The following ATG5 variants were observed in gnomAD, a reference collection of about 807,000 sequenced individuals.
The protein encoded by ATG5 is autophagy related 5.
A neutral mutation model predicts 36.5 loss-of-function variants in ATG5; 14 were observed. The observed-to-expected ratio is 0.38, with a 90% CI of 0.25 to 0.60. The LOEUF is 0.60. ATG5 is among the 20% of genes least tolerant of loss of function. ATG5 has a pLI of 0.60. For synonymous variants in ATG5, 95 were observed against 101.5 expected, an observed-to-expected ratio of 0.94 and a Z score of 0.38; for missense variants, 195 against 326.7, an observed-to-expected ratio of 0.60 and a Z score of 3.11.
chr6:106,298,182 A>C (rs1307149876), intron 3 of ATG5, among the ~76,000 whole-genome samples: 1 of 151,770 alleles, frequency 6.6e-6, no homozygotes, highest in Non-Finnish European at 1.5e-5. Flanking sequence ...GCTAGTCTTG[A>C]ACTTCTGACC....
chr6:106,186,545 C>A lies in ATG5; in HGVS notation c.823G>T (p.Asp275Tyr). ...LHISIIPQPT[D>Y] ...TCAGGCAAATAGTTGATCCTTCAAT[C>A]TGTTGGCTGTGGGATGATACTAATA... is the stretch of plus-strand genomic sequence containing the variant. Residue 275 changes from aspartate to tyrosine, a missense_variant, in exon 8 of 8, where the codon GAT (aspartate) becomes TAT (tyrosine). Asp to Tyr is a radical substitution (Grantham distance 160, BLOSUM62 -3). Transcript: ENST00000369076. 1 of 1,613,510 alleles carries A rather than the reference C, an allele frequency of 6.2e-7. No homozygotes were observed. Among genetic ancestry groups the A allele is most frequent in the Non-Finnish European group, 8.5e-7 (1 of 1,179,526 alleles).
chr6:106,211,618 G>A (rs190123015), intron 6 of ATG5, among the ~76,000 whole-genome samples: 69 of 152,336 alleles, frequency 4.5e-4, no homozygotes, highest in Non-Finnish European at 8.5e-4. Context: ...GCTGAGGCAG[G>A]AGAATCACTT....
At chr6:106,292,925 A>C in intron 4 of ATG5, 103 bp downstream of exon 4, 1 of 883,146 alleles carries the variant, frequency 1.1e-6, no homozygotes, top group African/African-American at 1.7e-5. Flanking sequence ...AAACAGTGTC[A>C]GGGGAAAAGC....
intron 2 of ATG5, among the ~76,000 whole-genome samples, chr6:106,314,734 A>G (rs2114677549): frequency 6.6e-6 from 1 of 152,296 alleles, no homozygotes; most frequent in African/African-American, 2.4e-5. Flanking sequence ...GAAAAAAAAA[A>G]TGGTATCCTA....
Position 106,185,247 on chromosome 6 carries a change from A to ATT in ATG5, c.*1291_*1292dup. 1 of 152,754 alleles carries ATT rather than the reference A, an allele frequency of 6.5e-6. No homozygotes were observed. The highest frequency in any genetic ancestry group is 1.9e-4 in the East Asian group (1 of 5,338). The allele number at this position is 152,754 out of a possible 1,614,324, so 9.5% of individuals were successfully genotyped here. A position where few individuals can be genotyped will look rare whatever the true frequency, so the allele number is the denominator to read the frequency against. On this transcript the variant is annotated 3_prime_UTR_variant, in exon 8 of 8. Coordinates refer to ENST00000369076, the MANE Select transcript of ATG5 (RefSeq NM_004849.4). Reference sequence around the variant, plus strand: ...AGAATCTCACTTCAGCATTTGTATAATTTTTTATAAGAAAAACATTCATTT... The same window carrying ATT: ...AGAATCTCACTTCAGCATTTGTATAATTTTTTTTATAAGAAAAACATTCATTT...
At chr6:106,225,007 C>T (rs1442145217) in intron 6 of ATG5, among the ~76,000 whole-genome samples, 2 of 152,212 alleles carry the variant, frequency 1.3e-5, no homozygotes, top group Non-Finnish European at 2.9e-5. Context: ...AAGCCATCAT[C>T]ATTGCTGTTA....
At chr6:106,294,657 A>C in intron 3 of ATG5, among the ~76,000 whole-genome samples, 1 of 146,334 alleles carries the variant, frequency 6.8e-6, no homozygotes, top group Non-Finnish European at 1.5e-5. Flanking sequence ...ACATGGTGAA[A>C]CTCTGTCTCT....
chr6:106,251,278 G>A (rs1726106672), intron 5 of ATG5, among the ~76,000 whole-genome samples: 2 of 152,224 alleles, frequency 1.3e-5, no homozygotes, highest in South Asian at 4.1e-4. Context: ...CTGGCGGGAA[G>A]AGGGAACTTT....
At chr6:106,321,809 T>C (rs972879635) in intron 1 of ATG5, among the ~76,000 whole-genome samples, 1 of 152,296 alleles carries the variant, frequency 6.6e-6, no homozygotes, top group South Asian at 2.1e-4. Flanking sequence ...CCTCCCCACA[T>C]TGAACTGGGA....
intron 1 of ATG5, among the ~76,000 whole-genome samples, chr6:106,321,422 C>A (rs1771064432): frequency 6.6e-6 from 1 of 151,646 alleles, no homozygotes; most frequent in Non-Finnish European, 1.5e-5. Flanking sequence ...GCAGTGGCGC[C>A]ATCTCGGCTC....
chr6:106,226,199 T>A (rs1777447736), intron 6 of ATG5, among the ~76,000 whole-genome samples: 2 of 152,180 alleles, frequency 1.3e-5, no homozygotes, highest in African/African-American at 4.8e-5. Context: ...AATCATCAGA[T>A]GATCACTAAA....
At position 106,184,521 on chromosome 6, in the gene ATG5, A is replaced by G. The variant is rs2114285618; in HGVS notation, c.*2019T>C. The G allele has an allele frequency of 6.6e-6, 1 of 152,328 alleles. No homozygotes were observed. The highest frequency in any genetic ancestry group is 2.4e-5 in the African/African-American group (1 of 41,564). The allele number at this position is 152,328 out of a possible 1,614,324, so 9.4% of individuals were successfully genotyped here. A position where few individuals can be genotyped will look rare whatever the true frequency, so the allele number is the denominator to read the frequency against. On this transcript the variant is annotated 3_prime_UTR_variant, in exon 8 of 8. Coordinates refer to ENST00000369076, the MANE Select transcript of ATG5 (RefSeq NM_004849.4). ...ACCATAAAATTTAAATATTCAAATGAAAAGAAACAAAAATAGATTATTTAA... is the reference window on the plus strand; with the variant it reads ...ACCATAAAATTTAAATATTCAAATGGAAAGAAACAAAAATAGATTATTTAA...
At chr6:106,306,773 T>G (rs1770462949) in intron 3 of ATG5, among the ~76,000 whole-genome samples, 1 of 152,196 alleles carries the variant, frequency 6.6e-6, no homozygotes, top group Admixed American at 6.5e-5. Flanking sequence ...GTCATTCTAC[T>G]CTTCTATTTA....
chr6:106,315,703 C>T (rs958239251), intron 2 of ATG5, among the ~76,000 whole-genome samples: 3 of 152,064 alleles, frequency 2.0e-5, no homozygotes, highest in Non-Finnish European at 2.9e-5. Flanking sequence ...CAAAAGAATA[C>T]AATCTGAACC....
At chr6:106,276,767 G>A (rs540367288) in intron 5 of ATG5, among the ~76,000 whole-genome samples, 38 of 152,086 alleles carry the variant, frequency 2.5e-4, no homozygotes, top group African/African-American at 8.4e-4. Context: ...CTCTTTACAC[G>A]ATCCTCATCT....
intron 3 of ATG5, among the ~76,000 whole-genome samples, chr6:106,293,489 A>T (rs1416959264): frequency 2.6e-5 from 4 of 152,230 alleles, no homozygotes; most frequent in Admixed American, 2.6e-4. Flanking sequence ...TTAAAATTTT[A>T]AAAAACTGTA....
At chr6:106,225,971 A>G (rs1476663267) in intron 6 of ATG5, among the ~76,000 whole-genome samples, 1 of 152,244 alleles carries the variant, frequency 6.6e-6, no homozygotes, top group East Asian at 1.9e-4. Context: ...CCAGAAAGCC[A>G]TACACATGTA....
intron 7 of ATG5, among the ~76,000 whole-genome samples, chr6:106,198,777 G>GA (rs34709544): frequency 0.4 from 59,082 of 147,946 alleles, 11,819 homozygotes; most frequent in Admixed American, 0.5. Flanking sequence ...CCCTGTCTGG[G>GA]AAAAAAAAAA....
intron 1 of ATG5, among the ~76,000 whole-genome samples, chr6:106,324,218 T>G (rs1771206922): frequency 6.6e-6 from 1 of 152,214 alleles, no homozygotes; most frequent in Non-Finnish European, 1.5e-5. Flanking sequence ...GTACTGAACA[T>G]GTATAGACTC....
Sources: allele counts gnomAD v4.1 joint callset (sites outside exome capture counted in the v4.1 genomes callset), GRCh38; gene constraint gnomAD v4.1.1; transcripts MANE v1.5; gene names NCBI Gene and HGNC (gene_info 2026-07-23, HGNC 2026-07-21).